The following DIMT1 variants were observed in gnomAD, a reference collection of about 807,000 sequenced individuals.
DIMT1 encodes DIM1 rRNA methyltransferase and ribosome maturation factor.
DIMT1 carries 36 observed loss-of-function variants against 43.2 expected under a neutral mutation model. The ratio of observed to expected loss-of-function variants is 0.83; its 90% CI spans 0.64 to 1.10. The LOEUF (loss-of-function observed/expected upper bound fraction) is 1.10. DIMT1 is among the 50% of genes least tolerant of loss of function. The pLI is 0.00. For missense variants in DIMT1, 341 were observed against 385.3 expected (o/e 0.88, Z 0.96); for synonymous variants, 126 against 130.3 (o/e 0.97, Z 0.22).
chr5:62,395,382 A>G (rs1205315554), intron 6 of DIMT1, among the ~76,000 whole-genome samples: 1 of 152,182 alleles, frequency 6.6e-6, no homozygotes, highest in Non-Finnish European at 1.5e-5. Flanking sequence ...GGGGTTAACG[A>G]ACAGAAGAGT....
At chr5:62,393,927 A>G in intron 8 of DIMT1, 28 bp downstream of exon 8, 2 of 1,575,926 alleles carry the variant, frequency 1.3e-6, no homozygotes, top group Non-Finnish European at 1.7e-6. Flanking sequence ...TTTTTCCTTT[A>G]TTGAATGAGC....
intron 3 of DIMT1, 89 bp downstream of exon 3, chr5:62,401,947 G>T: frequency 8.0e-7 from 1 of 1,248,424 alleles, no homozygotes; most frequent in Non-Finnish European, 1.1e-6. Flanking sequence ...TAAAATAATA[G>T]CAATTAGTTA....
Position 62,390,748 on chromosome 5 carries a change from C to T in DIMT1, c.899+128G>A, listed in dbSNP as rs1742271142. On this transcript the variant is annotated intron_variant, in intron 11 of 11. Transcript: ENST00000199320. ...CTTCTACACCAAATACTATTCCATG[C>T]CATGGAAGTGCTATGCAATAACTCT... 2.1e-5 allele frequency: 15 copies of T among 723,234 alleles called. No individual in the cohort carries two copies. In the South Asian group the frequency reaches 2.3e-4, roughly 11 times the overall value. The allele number at this position is 723,234 out of a possible 1,614,324, so 44.8% of individuals were successfully genotyped here. A position where few individuals can be genotyped will look rare whatever the true frequency, so the allele number is the denominator to read the frequency against.
intron 9 of DIMT1, 123 bp downstream of exon 9, chr5:62,392,803 G>T: frequency 3.7e-6 from 2 of 546,372 alleles, no homozygotes; most frequent in Non-Finnish European, 6.4e-6. Context: ...AGTTTAAAAG[G>T]TGAAGTTTGT....
In DIMT1 at chr5:62,398,732, C is replaced by CCA; in HGVS notation, c.308_309dup (p.Ala104TrpfsTer13). The CCA allele has an allele frequency of 1.9e-6, 3 of 1,614,146 alleles. No homozygotes were observed. The highest frequency in any genetic ancestry group is 2.5e-6 in the Non-Finnish European group (3 of 1,180,024). ...CCCACCAGTACTTGAAGTTTGCTGG[C>CCA]CACAGGCCTGATGAGAAAAGAAGAA... On this transcript the variant is annotated frameshift_variant, in exon 5 of 12. Transcript: ENST00000199320. LOFTEE classifies it high-confidence loss of function.
intron 7 of DIMT1, 130 bp downstream of exon 7, chr5:62,394,354 G>T: frequency 1.0e-6 from 1 of 989,198 alleles, no homozygotes; most frequent in Non-Finnish European, 1.5e-6. Flanking sequence ...TCTAGTCCCA[G>T]CTACTCGGGA....
chr5:62,395,287 A>G (rs1053717657), intron 6 of DIMT1, among the ~76,000 whole-genome samples: 1 of 152,022 alleles, frequency 6.6e-6, no homozygotes, highest in African/African-American at 2.4e-5. Flanking sequence ...AGCCTCCCAA[A>G]GTGCTGGGAT....
rs1465660746 is a variant in DIMT1 at position 62,387,753 on chromosome 5, A to C, written c.*1257T>G. The C allele has an allele frequency of 1.7e-5, 2 of 121,142 alleles. No individual in the cohort carries two copies. Among genetic ancestry groups the C allele is most frequent in the African/African-American group, 7.2e-5 (2 of 27,938 alleles). The allele number at this position is 121,142 out of a possible 1,614,324, so 7.5% of individuals were successfully genotyped here. A position where few individuals can be genotyped will look rare whatever the true frequency, so the allele number is the denominator to read the frequency against. ...TTTGTGAAATTAAACAAAAAAATCTACTCTTAATGTATATTATTTCATATT... is the reference window on the plus strand; with the variant it reads ...TTTGTGAAATTAAACAAAAAAATCTCCTCTTAATGTATATTATTTCATATT... On this transcript the variant is annotated 3_prime_UTR_variant, in exon 12 of 12. Transcript: ENST00000199320.
At chr5:62,396,332 G>A (rs1031703573) in intron 6 of DIMT1, among the ~76,000 whole-genome samples, 8 of 151,592 alleles carry the variant, frequency 5.3e-5, no homozygotes, top group East Asian at 1.9e-4. Context: ...AACATGGCAA[G>A]ACCCATCTCT....
chr5:62,398,442 G>C, intron 6 of DIMT1, 69 bp downstream of exon 6: 1 of 1,477,150 alleles, frequency 6.8e-7, no homozygotes, highest in East Asian at 2.3e-5. Context: ...ACTCATTTTT[G>C]GCTATGTTCA....
rs1464216788 is a variant in DIMT1 at position 62,387,332 on chromosome 5, A to C, written c.*1678T>G. 3.3e-5 allele frequency: 5 copies of C among 152,146 alleles called. No individual in the cohort carries two copies. Among genetic ancestry groups the C allele is most frequent in the Admixed American group, 6.6e-5 (1 of 15,266 alleles). The allele number at this position is 152,146 out of a possible 1,614,324, so 9.4% of individuals were successfully genotyped here. A position where few individuals can be genotyped will look rare whatever the true frequency, so the allele number is the denominator to read the frequency against. ...CAATTGACCTTGCAAAGGATATTTA[A>C]AAAAAAGGTAGTTTTTGAGATTAAC... is the stretch of plus-strand genomic sequence containing the variant. On this transcript the variant is annotated 3_prime_UTR_variant, in exon 12 of 12. Coordinates refer to ENST00000199320, the MANE Select transcript of DIMT1 (RefSeq NM_014473.4).
chr5:62,401,892 T>A, intron 3 of DIMT1, 144 bp downstream of exon 3: 2 of 806,956 alleles, frequency 2.5e-6, no homozygotes, highest in Non-Finnish European at 3.8e-6. Flanking sequence ...AAATATCTCA[T>A]ATTTTCTAAG....
At chr5:62,392,264 A>G (rs772530191) in intron 9 of DIMT1, 30 bp from the exon 10 acceptor site, 5 of 1,590,888 alleles carry the variant, frequency 3.1e-6, no homozygotes, top group Non-Finnish European at 4.3e-6. Flanking sequence ...TGCCACTGTT[A>G]TTATTCCAAA....
Position 62,403,894 on chromosome 5 carries a change from C to G in DIMT1, c.-122G>C, listed in dbSNP as rs566840081. On this transcript the variant is annotated 5_prime_UTR_variant, in exon 1 of 12. Transcript: ENST00000199320. ...GCCCGCACCACTCTGGCCCAAGCGC[C>G]GGAGGGGCAAGGGTCCGCCCCCTCC... The G allele has an allele frequency of 2.2e-5, 24 of 1,078,640 alleles. No homozygotes were observed. The African/African-American group carries it at 3.4e-4, about 15-fold the overall frequency. The allele number at this position is 1,078,640 out of a possible 1,614,324, so 66.8% of individuals were successfully genotyped here. A position where few individuals can be genotyped will look rare whatever the true frequency, so the allele number is the denominator to read the frequency against.
chr5:62,392,541 G>A (rs1742347247), intron 9 of DIMT1, among the ~76,000 whole-genome samples: 1 of 151,952 alleles, frequency 6.6e-6, no homozygotes, highest in Admixed American at 6.6e-5. Flanking sequence ...GTAAAACTGT[G>A]TCTCACCTCT....
At chr5:62,396,996 G>A (rs1742519368) in intron 6 of DIMT1, among the ~76,000 whole-genome samples, 2 of 152,280 alleles carry the variant, frequency 1.3e-5, no homozygotes, top group East Asian at 1.9e-4. Flanking sequence ...AGGCTGGAGT[G>A]TGGAGTGCAG....
chr5:62,402,136 C>A lies in DIMT1; in HGVS notation c.154-14G>T. 6.2e-7 allele frequency: 1 copy of A among 1,613,488 alleles called. No individual in the cohort carries two copies. The highest frequency in any genetic ancestry group is 8.5e-7 in the Non-Finnish European group (1 of 1,179,600). On this transcript the variant is annotated splice_polypyrimidine_tract_variant and intron_variant, in intron 2 of 11. Transcript: ENST00000199320. Reference sequence around the variant, plus strand: ...TCTTAAGGCAGCCTAAAAGCAAGCACAAACACTTTAGCTCTTCTGGCAACA... The same window carrying A: ...TCTTAAGGCAGCCTAAAAGCAAGCAAAAACACTTTAGCTCTTCTGGCAACA...
At chr5:62,392,483 T>C (rs1742344050) in intron 9 of DIMT1, among the ~76,000 whole-genome samples, 1 of 150,622 alleles carries the variant, frequency 6.6e-6, no homozygotes, top group Admixed American at 6.6e-5. Context: ...CTTAGAGAAG[T>C]TCTAGACTCT....
rs1475284479 is a variant in DIMT1 at position 62,403,365 on chromosome 5, C to A, written c.80-19G>T. 5.6e-6 allele frequency: 9 copies of A among 1,610,062 alleles called. No individual in the cohort carries two copies. The highest frequency in any genetic ancestry group is 7.7e-6 in the Non-Finnish European group (9 of 1,176,406). Reference sequence around the variant, plus strand: ...ATGAGTCCTGTAAGAAAATACGAAACAGCATTAATTTTCCTACTGAGATTA... The same window carrying A: ...ATGAGTCCTGTAAGAAAATACGAAAAAGCATTAATTTTCCTACTGAGATTA... On this transcript the variant is annotated intron_variant, in intron 1 of 11. Coordinates refer to ENST00000199320, the MANE Select transcript of DIMT1 (RefSeq NM_014473.4).
Sources: gnomAD v4.1 joint callset for allele counts (sites outside exome capture counted in the v4.1 genomes callset) on GRCh38, gnomAD v4.1.1 for gene constraint, MANE v1.5 for transcripts, NCBI Gene and HGNC (gene_info 2026-07-23, HGNC 2026-07-21) for gene names.